MGMT: variants seen among roughly 807,000 people sequenced by gnomAD.
MGMT encodes methylated-DNA--protein-cysteine methyltransferase.
A neutral mutation model predicts 15.9 loss-of-function variants in MGMT; 14 were observed. That is an observed-to-expected ratio of 0.88 (90% CI 0.58 to 1.37). The LOEUF (loss-of-function observed/expected upper bound fraction) is 1.37, where lower values mean the gene tolerates loss of function less well. Among genes scored for constraint, MGMT ranks in the 40% most tolerant of loss-of-function variants. MGMT has a pLI of 0.00. For synonymous variants in MGMT, 130 were observed against 118.2 expected, an observed-to-expected ratio of 1.10 and a Z score of -0.65; for missense variants, 282 against 268.1, an observed-to-expected ratio of 1.05 and a Z score of -0.36.
At chr10:129,754,456 C>A (rs181007079) in intron 3 of MGMT, among the ~76,000 whole-genome samples, 1 of 152,154 alleles carries the variant, frequency 6.6e-6, no homozygotes, top group Non-Finnish European at 1.5e-5. Context: ...TGGGCTCCTG[C>A]GGCCCCTGTT....
intron 3 of MGMT, among the ~76,000 whole-genome samples, chr10:129,740,365 A>G (rs1166203153): frequency 1.3e-5 from 2 of 152,174 alleles, no homozygotes; most frequent in Non-Finnish European, 2.9e-5. Context: ...GGAGATGGGA[A>G]GAGGCCCCCA....
intron 2 of MGMT, among the ~76,000 whole-genome samples, chr10:129,691,258 C>G (rs898593606): frequency 4.6e-5 from 7 of 152,288 alleles, no homozygotes; most frequent in Admixed American, 4.6e-4. Context: ...TGTGTCTGTC[C>G]CCTGCCGGTC....
chr10:129,595,437 C>T lies in MGMT; in HGVS notation c.125+59060C>T, dbSNP rs147696098. On this transcript the variant is annotated intron_variant, in intron 2 of 4. Coordinates refer to ENST00000651593, the MANE Select transcript of MGMT (RefSeq NM_002412.5). ...TCCCTGTGGTGACCTGGCGTCCATC[C>T]TGAGCTTTCGTGGTGTCCACCCATG... Among the ~76,000 whole-genome samples, 201 of 152,316 alleles carry T rather than the reference C, an allele frequency of 1.3e-3. 1 individual carries two copies. The highest frequency in any genetic ancestry group is 4.6e-3 in the African/African-American group (192 of 41,572).
chr10:129,714,001 C>T lies in MGMT; in HGVS notation c.274+5958C>T, dbSNP rs1014605792. Among the ~76,000 whole-genome samples, 4 of 152,230 alleles carry T rather than the reference C, an allele frequency of 2.6e-5. No homozygotes were observed. The East Asian group carries it at 7.7e-4, about 29-fold the overall frequency. ...TTTGAATACCTGCATCACCTCCAGC[C>T]CCTCAGCAGAACAAGAATGTCAGAT... is the stretch of plus-strand genomic sequence containing the variant. On this transcript the variant is annotated intron_variant, in intron 3 of 4. Coordinates refer to ENST00000651593, the MANE Select transcript of MGMT (RefSeq NM_002412.5).
At chr10:129,641,482 A>G (rs1028112933) in intron 2 of MGMT, among the ~76,000 whole-genome samples, 6 of 152,194 alleles carry the variant, frequency 3.9e-5, no homozygotes, top group African/African-American at 7.2e-5. Context: ...TTCCAAAATT[A>G]TTTTTGACAA....
chr10:129,470,057 G>A (rs1395070262), intron 1 of MGMT, among the ~76,000 whole-genome samples: 1 of 152,192 alleles, frequency 6.6e-6, no homozygotes, highest in African/African-American at 2.4e-5. Flanking sequence ...TAAAATCAGA[G>A]AAGACACATA....
chr10:129,530,658 G>A (rs1250152158), intron 1 of MGMT, among the ~76,000 whole-genome samples: 1 of 152,216 alleles, frequency 6.6e-6, no homozygotes, highest in Non-Finnish European at 1.5e-5. Flanking sequence ...GCCTCGAAAT[G>A]CAAACCAGCT....
chr10:129,574,771 G>A (rs1262029945), intron 2 of MGMT, among the ~76,000 whole-genome samples: 1 of 152,204 alleles, frequency 6.6e-6, no homozygotes, highest in Admixed American at 6.5e-5. Context: ...CAGACTTGAT[G>A]ATGTAGCAAC....
intron 2 of MGMT, among the ~76,000 whole-genome samples, chr10:129,593,512 C>T (rs1156495032): frequency 1.3e-5 from 2 of 152,328 alleles, no homozygotes; most frequent in Middle Eastern, 3.4e-3. Context: ...CTTTGAACTA[C>T]GTCAACGGAA....
chr10:129,652,971 G>A (rs968043386), intron 2 of MGMT, among the ~76,000 whole-genome samples: 3 of 152,232 alleles, frequency 2.0e-5, no homozygotes, highest in Non-Finnish European at 1.5e-5. Context: ...TGGGCTGAGG[G>A]TGCCAGCAGA....
intron 1 of MGMT, among the ~76,000 whole-genome samples, chr10:129,488,318 C>T (rs73378885): frequency 0.051 from 7,714 of 152,182 alleles, 554 homozygotes; most frequent in African/African-American, 0.16. Context: ...TTAGCACTTC[C>T]GATTGAGAGC....
chr10:129,549,743 A>G (rs1846135258), intron 2 of MGMT, among the ~76,000 whole-genome samples: 1 of 152,202 alleles, frequency 6.6e-6, no homozygotes, highest in Non-Finnish European at 1.5e-5. Flanking sequence ...AATTTAAAAG[A>G]ATCACGGCCG....
intron 1 of MGMT, among the ~76,000 whole-genome samples, chr10:129,534,439 G>A (rs762081005): frequency 1.3e-5 from 2 of 152,114 alleles, no homozygotes; most frequent in South Asian, 2.1e-4. Context: ...GCACAGAAAA[G>A]GGGAGGTTTT....
chr10:129,739,149 G>A (rs575673499), intron 3 of MGMT, among the ~76,000 whole-genome samples: 12 of 152,280 alleles, frequency 7.9e-5, no homozygotes, highest in South Asian at 2.1e-4. Flanking sequence ...TTGACGGAAC[G>A]TATCTCAAAT....
intron 3 of MGMT, among the ~76,000 whole-genome samples, chr10:129,712,919 C>T (rs767635015): frequency 1.3e-5 from 2 of 152,166 alleles, no homozygotes; most frequent in Non-Finnish European, 2.9e-5. Context: ...TATTAGCCCT[C>T]CTCACCCGAG....
chr10:129,537,515 C>T (rs1336041228), intron 2 of MGMT, among the ~76,000 whole-genome samples: 1 of 151,308 alleles, frequency 6.6e-6, no homozygotes, highest in Non-Finnish European at 1.5e-5. Context: ...GTCATTTTGT[C>T]TTTTAGCATG....
intron 3 of MGMT, among the ~76,000 whole-genome samples, chr10:129,732,690 A>G (rs376618828): frequency 1.4e-5 from 2 of 144,484 alleles, no homozygotes; most frequent in African/African-American, 5.1e-5. Flanking sequence ...TATATCTCCC[A>G]ATGCTATCCC....
At chr10:129,676,154 G>T (rs908383687) in intron 2 of MGMT, among the ~76,000 whole-genome samples, 2 of 152,208 alleles carry the variant, frequency 1.3e-5, no homozygotes, top group African/African-American at 4.8e-5. Context: ...TCCTGTGCGT[G>T]AATCAATGGA....
chr10:129,671,258 T>G (rs1847719306), intron 2 of MGMT, among the ~76,000 whole-genome samples: 1 of 152,224 alleles, frequency 6.6e-6, no homozygotes, highest in Non-Finnish European at 1.5e-5. Context: ...TTGGAGGCCA[T>G]TTTTATGATG....
Sources: gnomAD v4.1 joint callset for allele counts (sites outside exome capture counted in the v4.1 genomes callset) on GRCh38, gnomAD v4.1.1 for gene constraint, MANE v1.5 for transcripts, NCBI Gene and HGNC (gene_info 2026-07-23, HGNC 2026-07-21) for gene names.